TBC1D10A: variants seen among roughly 807,000 people sequenced by gnomAD.
The protein encoded by TBC1D10A is EBP50-PDX interactor of 64 kDa.
Under a neutral mutation model 52.9 loss-of-function variants are expected in TBC1D10A, and 24 were observed. The observed-to-expected ratio is 0.45, with a 90% CI of 0.33 to 0.64. TBC1D10A has a LOEUF of 0.64. Among genes scored for constraint, TBC1D10A ranks in the 30% least tolerant of loss-of-function variants. The pLI is 0.02. For synonymous variants in TBC1D10A, 278 were observed against 282.9 expected, an observed-to-expected ratio of 0.98 and a Z score of 0.17; for missense variants, 602 against 687.9, an observed-to-expected ratio of 0.88 and a Z score of 1.40.
chr22:30,307,353 G>A (rs1323892984), intron 1 of TBC1D10A, among the ~76,000 whole-genome samples: 1 of 152,226 alleles, frequency 6.6e-6, no homozygotes, highest in Non-Finnish European at 1.5e-5. Context: ...AGTGAGACCA[G>A]TTTCTTTTGG....
chr22:30,313,341 ATGTGTGTGTGTGTGTG>A (rs6147586), intron 1 of TBC1D10A, among the ~76,000 whole-genome samples: 21,202 of 138,016 alleles, frequency 0.15, 2,038 homozygotes, highest in South Asian at 0.34. Flanking sequence ...TGCTCAATAA[ATGTGTGTGTGTGTGTG>A]TGTGTGTGTG....
At chr22:30,313,012 G>A (rs895502571) in intron 1 of TBC1D10A, among the ~76,000 whole-genome samples, 5 of 152,190 alleles carry the variant, frequency 3.3e-5, no homozygotes. Context: ...AAGACCCCAG[G>A]GTGAGGACGG....
At chr22:30,308,144 T>C (rs888741797) in intron 1 of TBC1D10A, among the ~76,000 whole-genome samples, 3 of 152,122 alleles carry the variant, frequency 2.0e-5, no homozygotes, top group African/African-American at 7.2e-5. Flanking sequence ...ATGTTAAGAG[T>C]GTTTTAAGAC....
chr22:30,326,582 G>T, intron 1 of TBC1D10A, 91 bp downstream of exon 1: 2 of 1,259,540 alleles, frequency 1.6e-6, no homozygotes, highest in Non-Finnish European at 2.1e-6. Context: ...CTGGGAGGGG[G>T]ACGTGTCGGC....
In TBC1D10A at chr22:30,303,135, G is replaced by A. The variant is rs954154263; in HGVS notation, c.309+1396C>T. 1.1e-4 allele frequency among the ~76,000 whole-genome samples: 17 copies of A among 152,234 alleles called. No individual in the cohort carries two copies. In the South Asian group the frequency reaches 2.3e-3, roughly 20 times the overall value. On this transcript the variant is annotated intron_variant, in intron 2 of 8. Transcript: ENST00000215790. Reference sequence around the variant, plus strand: ...ATCTCTACAAAAAATACAAAAATTCGCCACGTGTGGTGACGTGCCTGTGGT... The same window carrying A: ...ATCTCTACAAAAAATACAAAAATTCACCACGTGTGGTGACGTGCCTGTGGT...
At chr22:30,310,179 A>G (rs1475103989) in intron 1 of TBC1D10A, among the ~76,000 whole-genome samples, 3 of 152,190 alleles carry the variant, frequency 2.0e-5, no homozygotes, top group Non-Finnish European at 4.4e-5. Flanking sequence ...CATGTGCAAA[A>G]AGTGACAACT....
chr22:30,319,865 G>A (rs904662320), intron 1 of TBC1D10A, among the ~76,000 whole-genome samples: 3 of 152,230 alleles, frequency 2.0e-5, no homozygotes, highest in African/African-American at 7.2e-5. Context: ...TGATCAGCTA[G>A]GACAACGGAT....
rs770816461 is a variant in TBC1D10A, at chr22:30,294,791, C to T, written c.705+5G>A. 4 of 1,614,108 alleles carry T rather than the reference C, an allele frequency of 2.5e-6. No individual in the cohort carries two copies. The highest frequency in any genetic ancestry group is 1.3e-5 in the African/African-American group (1 of 75,068). Reference sequence around the variant, plus strand: ...AGGGCAAGTCCCAGGCCAGGCGACACTCACCAGTTTCTCGCTGTAGTAGCC... The same window carrying T: ...AGGGCAAGTCCCAGGCCAGGCGACATTCACCAGTTTCTCGCTGTAGTAGCC... On this transcript the variant is annotated splice_donor_5th_base_variant and intron_variant, in intron 6 of 8. Coordinates refer to ENST00000215790, the MANE Select transcript of TBC1D10A (RefSeq NM_031937.3).
intron 1 of TBC1D10A, among the ~76,000 whole-genome samples, chr22:30,324,762 G>A (rs892979718): frequency 6.6e-6 from 1 of 152,188 alleles, no homozygotes; most frequent in Non-Finnish European, 1.5e-5. Context: ...AGTAATGTTG[G>A]GAAGTGGGTG....
At chr22:30,293,240 G>A in intron 8 of TBC1D10A, 1 of 613,602 alleles carries the variant, frequency 1.6e-6, no homozygotes, top group Non-Finnish European at 3.1e-6. Flanking sequence ...TTTAAGGGGA[G>A]TTGCTTAGTG....
chr22:30,293,473 T>C, intron 8 of TBC1D10A, 178 bp downstream of exon 8: 1 of 973,866 alleles, frequency 1.0e-6, no homozygotes, highest in Admixed American at 2.1e-5. Flanking sequence ...CAAGCCTCTC[T>C]GTGCCCCATG....
intron 1 of TBC1D10A, among the ~76,000 whole-genome samples, chr22:30,313,673 T>C (rs781318970): frequency 6.7e-5 from 10 of 148,362 alleles, no homozygotes; most frequent in Non-Finnish European, 1.3e-4. Flanking sequence ...AGTGTAGGGA[T>C]TACAGGCGTG....
chr22:30,306,373 G>T (rs142385975), intron 1 of TBC1D10A, among the ~76,000 whole-genome samples: 1 of 152,286 alleles, frequency 6.6e-6, no homozygotes, highest in East Asian at 1.9e-4. Flanking sequence ...TGGCTTTATT[G>T]ATAAAATCTA....
At chr22:30,317,143 C>G (rs1930554930) in intron 1 of TBC1D10A, among the ~76,000 whole-genome samples, 1 of 152,190 alleles carries the variant, frequency 6.6e-6, no homozygotes. Flanking sequence ...CATGGTGGCT[C>G]ATGCCTGTAA....
At chr22:30,324,897 C>T (rs1930734407) in intron 1 of TBC1D10A, among the ~76,000 whole-genome samples, 2 of 152,182 alleles carry the variant, frequency 1.3e-5, no homozygotes. Flanking sequence ...GCTCTGCACC[C>T]CAAGATCTGG....
intron 1 of TBC1D10A, among the ~76,000 whole-genome samples, chr22:30,313,975 CTGTTA>C (rs1324409589): frequency 1.3e-5 from 2 of 152,148 alleles, no homozygotes; most frequent in East Asian, 1.9e-4. Flanking sequence ...AACTGAATGT[CTGTTA>C]TAACAACAGA....
At chr22:30,314,917 C>T (rs1157677384) in intron 1 of TBC1D10A, among the ~76,000 whole-genome samples, 2 of 152,106 alleles carry the variant, frequency 1.3e-5, no homozygotes, top group Admixed American at 6.5e-5. Flanking sequence ...CCCCAAGTGA[C>T]TACCACCACC....
chr22:30,299,060 G>A (rs114079322), intron 3 of TBC1D10A: 89 of 184,446 alleles, frequency 4.8e-4, no homozygotes, highest in African/African-American at 2.0e-3. Context: ...CATAGGCCCA[G>A]GGCACAGGGC....
chr22:30,322,593 CTTTTTTTTTTT>C (rs34874729), intron 1 of TBC1D10A, among the ~76,000 whole-genome samples: 7 of 24,874 alleles, frequency 2.8e-4, no homozygotes, highest in African/African-American at 7.7e-4. Context: ...TCACTTTCAG[CTTTTTTTTTTT>C]TTTTTTTTTT....
Sources: gnomAD v4.1 joint callset for allele counts (sites outside exome capture counted in the v4.1 genomes callset) on GRCh38, gnomAD v4.1.1 for gene constraint, MANE v1.5 for transcripts, NCBI Gene and HGNC (gene_info 2026-07-23, HGNC 2026-07-21) for gene names.